The following FAM13B variants were observed in gnomAD, a reference collection of about 807,000 sequenced individuals.
FAM13B encodes the protein protein FAM13B.
In FAM13B, 60 loss-of-function variants were observed where a neutral mutation model predicts 117.3. The observed-to-expected ratio is 0.51, with a 90% CI of 0.42 to 0.63. FAM13B has a LOEUF of 0.63. FAM13B is among the 30% of genes least tolerant of loss of function. FAM13B has a pLI of 0.00. For synonymous variants in FAM13B, 332 were observed against 356.1 expected (o/e 0.93, Z 0.76); for missense variants, 972 against 1,091.9 (o/e 0.89, Z 1.55).
At chr5:137,968,115 G>A (rs543693708) in intron 10 of FAM13B, among the ~76,000 whole-genome samples, 1 of 151,434 alleles carries the variant, frequency 6.6e-6, no homozygotes, top group Admixed American at 6.6e-5. Context: ...CCAGCTACTC[G>A]GGAGGCTGAG....
At chr5:137,959,882 A>G in intron 12 of FAM13B, 119 bp from the exon 13 acceptor site, 1 of 898,000 alleles carries the variant, frequency 1.1e-6, no homozygotes, top group African/African-American at 1.7e-5. Context: ...TATACAGCCA[A>G]CTGTCCCACT....
chr5:138,043,746 T>C (rs1791566136), intron 1 of FAM13B, among the ~76,000 whole-genome samples: 1 of 152,084 alleles, frequency 6.6e-6, no homozygotes, highest in African/African-American at 2.4e-5. Context: ...CCTCTTTTTT[T>C]TCTTTTTTTA....
intron 14 of FAM13B, 39 bp from the exon 15 acceptor site, chr5:137,954,415 T>A: frequency 2.6e-6 from 4 of 1,538,822 alleles, no homozygotes; most frequent in Non-Finnish European, 3.5e-6. Flanking sequence ...ATGGGTCTCT[T>A]GATTCCACGT....
chr5:137,949,056 T>C lies in FAM13B; in HGVS notation c.2059A>G (p.Ile687Val), dbSNP rs764362209. The stretch of plus-strand genomic sequence containing the variant: ...TTAGATGGTTTTTTCTCCTTCTGAA[T>C]GACCTTGGGTTCATCTTCATTCTCT... ...DEENEDEPKV[I>V]QKEKKPSKEA... Residue 687 changes from isoleucine (I) to valine (V), a missense_variant, in exon 18 of 24, where the codon ATT (isoleucine) becomes GTT (valine). Coordinates refer to ENST00000689681, the MANE Select transcript of FAM13B (RefSeq NM_001385994.1). 2 of 1,614,100 alleles carry C rather than the reference T, an allele frequency of 1.2e-6. No individual in the cohort carries two copies. Among genetic ancestry groups the C allele is most frequent in the South Asian group, 2.2e-5 (2 of 91,080 alleles).
intron 1 of FAM13B, among the ~76,000 whole-genome samples, chr5:138,025,810 G>T (rs1788205699): frequency 6.6e-6 from 1 of 152,154 alleles, no homozygotes; most frequent in South Asian, 2.1e-4. Context: ...TAAAAACCCT[G>T]ATTAACACAA....
intron 10 of FAM13B, among the ~76,000 whole-genome samples, chr5:137,979,945 T>G (rs1775174782): frequency 1.3e-5 from 2 of 149,354 alleles, no homozygotes; most frequent in Middle Eastern, 3.5e-3. Flanking sequence ...GAGGATCACC[T>G]GAGGTCAGGA....
intron 6 of FAM13B, 72 bp from the exon 7 acceptor site, chr5:138,007,219 A>G (rs1471731476): frequency 2.5e-6 from 3 of 1,204,340 alleles, no homozygotes; most frequent in Admixed American, 6.7e-5. Context: ...ATACTATTCT[A>G]TGAAAATTTT....
At chr5:137,994,213 C>A (rs752076896) in intron 7 of FAM13B, among the ~76,000 whole-genome samples, 1 of 152,154 alleles carries the variant, frequency 6.6e-6, no homozygotes, top group East Asian at 1.9e-4. Context: ...ATCAAATAAA[C>A]AGCTCCTTTT....
At chr5:137,991,406 A>G (rs944031279) in intron 7 of FAM13B, among the ~76,000 whole-genome samples, 1 of 152,216 alleles carries the variant, frequency 6.6e-6, no homozygotes, top group African/African-American at 2.4e-5. Flanking sequence ...ATAACTATAA[A>G]CAAAGGCAAA....
intron 13 of FAM13B, among the ~76,000 whole-genome samples, chr5:137,956,838 C>T (rs1042385030): frequency 6.6e-6 from 1 of 152,112 alleles, no homozygotes; most frequent in Admixed American, 6.5e-5. Context: ...TAAGCAGGTA[C>T]TGTTTGAAGC....
At chr5:138,026,880 A>G (rs1788555207) in intron 1 of FAM13B, among the ~76,000 whole-genome samples, 1 of 151,724 alleles carries the variant, frequency 6.6e-6, no homozygotes, top group African/African-American at 2.4e-5. Flanking sequence ...CGGAGGTTAC[A>G]GTGAGCCGAG....
rs1761256175 is a variant in FAM13B, at chr5:137,940,304, C to T, written c.2735G>A (p.Arg912Lys). 1.2e-6 allele frequency: 2 copies of T among 1,609,340 alleles called. No homozygotes were observed. The highest frequency in any genetic ancestry group is 1.7e-6 in the Non-Finnish European group (2 of 1,175,742). The change falls in exon 24 of 24, where the codon AGA becomes AAA. Residue 912 changes from arginine to lysine, a missense_variant. Arg to Lys is a conservative substitution (Grantham distance 26, BLOSUM62 2). Transcript: ENST00000689681. Reference protein sequence around the residue: ...EDRVPVLEEYREYKKIKAKLR... With the variant: ...EDRVPVLEEYKEYKKIKAKLR... ...CTTGGCTTTAATTTTCTTGTACTCT[C>T]TGTACTCCTCAAGCACTGGAACACG...
chr5:137,977,462 T>TG (rs1774355788), intron 10 of FAM13B, among the ~76,000 whole-genome samples: 1 of 152,302 alleles, frequency 6.6e-6, no homozygotes, highest in South Asian at 2.1e-4. Context: ...TTTTACAGCT[T>TG]GGGGGGCATC....
At chr5:137,941,865 C>T (rs971811333) in intron 23 of FAM13B, 79 bp downstream of exon 23, 29 of 1,183,290 alleles carry the variant, frequency 2.5e-5, no homozygotes, top group African/African-American at 7.6e-5. Context: ...TCTAATCCCA[C>T]GTATTCCATT....
intron 17 of FAM13B, 26 bp from the exon 18 acceptor site, chr5:137,949,210 C>G (rs1413821345): frequency 7.6e-6 from 12 of 1,579,964 alleles, no homozygotes; most frequent in Non-Finnish European, 1.0e-5. Flanking sequence ...AAGGACAGAT[C>G]AGTAATAATT....
chr5:138,002,051 A>G (rs1781400004), intron 7 of FAM13B, among the ~76,000 whole-genome samples: 1 of 152,216 alleles, frequency 6.6e-6, no homozygotes, highest in Non-Finnish European at 1.5e-5. Context: ...ATTTAACCAA[A>G]GGAATGAAAC....
chr5:138,015,946 G>A (rs1213186515), intron 4 of FAM13B, among the ~76,000 whole-genome samples: 1 of 152,144 alleles, frequency 6.6e-6, no homozygotes, highest in African/African-American at 2.4e-5. Context: ...GAAAATAGAA[G>A]AAAACAGTGA....
chr5:137,991,329 A>G (rs894759849), intron 7 of FAM13B, among the ~76,000 whole-genome samples: 6 of 152,236 alleles, frequency 3.9e-5, no homozygotes, highest in African/African-American at 1.4e-4. Context: ...AATTGTCTTT[A>G]TATGTGTAAG....
In FAM13B at chr5:137,987,528, G is replaced by A; in HGVS notation, c.979C>T (p.Gln327Ter). Residue 327 changes from glutamine to a stop codon, truncating the protein, a stop_gained, in exon 9 of 24, where the codon CAG (glutamine) becomes TAG (stop). Transcript: ENST00000689681. LOFTEE classifies it high-confidence loss of function. ...SIDHDLKNLQQQSVVCNNEAE... is the reference protein window; with the variant it reads ...SIDHDLKNLQ ...TCATTATTACACACCACACTTTGCTGTTGTAAATTCTTAAGATCATGATCT... is the reference window on the plus strand; with the variant it reads ...TCATTATTACACACCACACTTTGCTATTGTAAATTCTTAAGATCATGATCT... 3 of 1,613,518 alleles carry A rather than the reference G, an allele frequency of 1.9e-6. No individual in the cohort carries two copies.
Sources: allele counts gnomAD v4.1 joint callset (sites outside exome capture counted in the v4.1 genomes callset), GRCh38; gene constraint gnomAD v4.1.1; transcripts MANE v1.5; gene names NCBI Gene and HGNC (gene_info 2026-07-23, HGNC 2026-07-21).